IL1RAPL2: variants seen among roughly 807,000 people sequenced by gnomAD.
The protein encoded by IL1RAPL2 is X-linked interleukin-1 receptor accessory protein-like 2.
In IL1RAPL2, 3 loss-of-function variants were observed where a neutral mutation model predicts 44.1. That is an observed-to-expected ratio of 0.07 (90% CI 0.03 to 0.18). The LOEUF is 0.18. Among genes scored for constraint, IL1RAPL2 ranks in the 10% least tolerant of loss-of-function variants. The pLI is 1.00. For synonymous variants in IL1RAPL2, 181 were observed against 178.8 expected (o/e 1.01, Z -0.10); for missense variants, 391 against 496.4 (o/e 0.79, Z 2.02).
intron 5 of IL1RAPL2, among the ~76,000 whole-genome samples, chrX:105,466,378 C>T (rs1171523674): frequency 1.8e-5 from 2 of 111,221 alleles, no homozygotes; most frequent in African/African-American, 6.5e-5. Flanking sequence ...GCTCTGTCTT[C>T]TGTAGCTAAT....
At chrX:104,966,910 T>A (rs2030134496) in intron 2 of IL1RAPL2, among the ~76,000 whole-genome samples, 1 of 112,403 alleles carries the variant, frequency 8.9e-6, no homozygotes, top group Non-Finnish European at 1.9e-5. Flanking sequence ...CTTTTTCAAG[T>A]GTCACAAAAT....
At chrX:105,696,793 G>A (rs116590398) in intron 6 of IL1RAPL2, among the ~76,000 whole-genome samples, 1,121 of 111,657 alleles carry the variant, frequency 0.01, 22 homozygotes, top group African/African-American at 0.035. Flanking sequence ...CCCTGGATAC[G>A]GGTTTCTGGG....
At chrX:105,188,739 G>T (rs781945419) in intron 2 of IL1RAPL2, among the ~76,000 whole-genome samples, 2 of 111,937 alleles carry the variant, frequency 1.8e-5, no homozygotes, top group East Asian at 2.8e-4. Flanking sequence ...TTCTGGAAAG[G>T]TATTTTTAAA....
At chrX:105,341,104 CT>C (rs1484729583) in intron 5 of IL1RAPL2, among the ~76,000 whole-genome samples, 6 of 111,713 alleles carry the variant, frequency 5.4e-5, no homozygotes, top group Non-Finnish European at 7.5e-5. Context: ...TCAACACAGA[CT>C]TTTTTGTTCC....
intron 6 of IL1RAPL2, among the ~76,000 whole-genome samples, chrX:105,570,257 G>T (rs1350928735): frequency 9.0e-6 from 1 of 111,523 alleles, no homozygotes; most frequent in Non-Finnish European, 1.9e-5. Flanking sequence ...CAGAATAATG[G>T]CCTCCATCTC....
chrX:105,135,465 G>A (rs944880365), intron 2 of IL1RAPL2, among the ~76,000 whole-genome samples: 1 of 111,915 alleles, frequency 8.9e-6, no homozygotes, highest in Non-Finnish European at 1.9e-5. Context: ...CCATTTGCAG[G>A]CTGCATGATA....
At chrX:104,614,412 G>A (rs1476505402) in intron 1 of IL1RAPL2, among the ~76,000 whole-genome samples, 1 of 111,492 alleles carries the variant, frequency 9.0e-6, no homozygotes, top group African/African-American at 3.3e-5. Flanking sequence ...TTTATTTTTT[G>A]AAGTTATTGA....
chrX:104,573,697 GATCT>G (rs1181260037), intron 1 of IL1RAPL2, among the ~76,000 whole-genome samples: 2 of 112,133 alleles, frequency 1.8e-5, no homozygotes, highest in Non-Finnish European at 3.8e-5. Flanking sequence ...TAAAGAACTT[GATCT>G]ATCACGTATA....
intron 2 of IL1RAPL2, among the ~76,000 whole-genome samples, chrX:105,109,132 C>T (rs1458384487): frequency 1.8e-5 from 2 of 112,042 alleles, no homozygotes. Flanking sequence ...GTTTTGTGTT[C>T]CATAGAAAGC....
intron 5 of IL1RAPL2, among the ~76,000 whole-genome samples, chrX:105,275,224 G>A (rs1400819709): frequency 9.1e-6 from 1 of 109,439 alleles, no homozygotes; most frequent in African/African-American, 3.3e-5. Flanking sequence ...AAAAAAAAGC[G>A]GTGGGGGAAT....
chrX:105,583,865 C>T (rs1235634724), intron 6 of IL1RAPL2, among the ~76,000 whole-genome samples: 2 of 111,708 alleles, frequency 1.8e-5, no homozygotes, highest in African/African-American at 6.5e-5. Context: ...ATAATATAAT[C>T]GTTTAATATG....
At chrX:104,770,065 G>A (rs1255892019) in intron 2 of IL1RAPL2, among the ~76,000 whole-genome samples, 2 of 107,837 alleles carry the variant, frequency 1.9e-5, no homozygotes, top group Non-Finnish European at 3.8e-5. Flanking sequence ...ATTTTTTTTT[G>A]TCCTAGGCCT....
At chrX:105,420,960 C>T (rs1181880836) in intron 5 of IL1RAPL2, among the ~76,000 whole-genome samples, 1 of 111,966 alleles carries the variant, frequency 8.9e-6, no homozygotes, top group Non-Finnish European at 1.9e-5. Flanking sequence ...AAGAATAGTA[C>T]TGTGAACCCC....
At chrX:105,615,738 T>C (rs1176392361) in intron 6 of IL1RAPL2, among the ~76,000 whole-genome samples, 1 of 111,817 alleles carries the variant, frequency 8.9e-6, no homozygotes, top group Non-Finnish European at 1.9e-5. Context: ...TAGTTTAAAA[T>C]AATAAATAAG....
In IL1RAPL2 at chrX:105,259,034, G is replaced by A. The variant is rs752042165; in HGVS notation, c.544-8354G>A. Among the ~76,000 whole-genome samples, 3 of 111,833 alleles carry A rather than the reference G, an allele frequency of 2.7e-5. No individual in the cohort carries two copies. In the South Asian group the frequency reaches 1.1e-3, roughly 42 times the overall value. On this transcript the variant is annotated intron_variant, in intron 4 of 10. Coordinates refer to ENST00000372582, the MANE Select transcript of IL1RAPL2 (RefSeq NM_017416.2). ...TTGAGTTACTGGAGTTCTTGCGTTG[G>A]TTCTTTCTCATCTCTGCCTGTGGAT... is the stretch of plus-strand genomic sequence containing the variant.
intron 8 of IL1RAPL2, among the ~76,000 whole-genome samples, chrX:105,742,371 TAAAAACCTGCTATGAGGA>T (rs946253334): frequency 5.4e-5 from 6 of 111,283 alleles, no homozygotes; most frequent in Admixed American, 9.6e-5. Flanking sequence ...GTGTTATAAT[TAAAAACCTGCTATGAGGA>T]AAAATAATGG....
chrX:105,144,634 C>T (rs768173907), intron 2 of IL1RAPL2, among the ~76,000 whole-genome samples: 4 of 111,203 alleles, frequency 3.6e-5, no homozygotes, highest in Non-Finnish European at 7.5e-5. Flanking sequence ...CCCATGTAAC[C>T]CAAGTGATTT....
intron 2 of IL1RAPL2, among the ~76,000 whole-genome samples, chrX:105,114,809 G>A (rs938354172): frequency 5.4e-5 from 6 of 111,774 alleles, no homozygotes; most frequent in African/African-American, 2.0e-4. Context: ...GAGTGGTGAG[G>A]GATGACTTGG....
intron 2 of IL1RAPL2, among the ~76,000 whole-genome samples, chrX:105,138,829 C>T (rs953017355): frequency 1.8e-5 from 2 of 111,233 alleles, no homozygotes; most frequent in African/African-American, 3.3e-5. Context: ...CCCTTTCCAC[C>T]TCTCTGCTGT....
Sources: gnomAD v4.1 joint callset for allele counts (sites outside exome capture counted in the v4.1 genomes callset) on GRCh38, gnomAD v4.1.1 for gene constraint, MANE v1.5 for transcripts, NCBI Gene and HGNC (gene_info 2026-07-23, HGNC 2026-07-21) for gene names.